Variants in CNKSR3 observed in about 807,000 individuals in gnomAD.
CNKSR3 encodes the protein connector enhancer of kinase suppressor of ras 3.
In CNKSR3, 36 loss-of-function variants were observed where a neutral mutation model predicts 67.7. That is an observed-to-expected ratio of 0.53 (90% confidence interval 0.41 to 0.70). CNKSR3 has a LOEUF of 0.70. CNKSR3 is among the 30% of genes least tolerant of loss of function. The pLI, the probability that CNKSR3 is intolerant of heterozygous loss-of-function variation, is 0.00. For synonymous variants in CNKSR3, 281 were observed against 271.4 expected, an observed-to-expected ratio of 1.04 and a Z score of -0.35; for missense variants, 630 against 695.2, an observed-to-expected ratio of 0.91 and a Z score of 1.05.
At chr6:154,454,100 C>CAGAG (rs1562340117) in intron 1 of CNKSR3, among the ~76,000 whole-genome samples, 1 of 97,308 alleles carries the variant, frequency 1.0e-5, no homozygotes, top group African/African-American at 4.0e-5. Context: ...CACACACACA[C>CAGAG]ACACAGAGAG....
intron 1 of CNKSR3, among the ~76,000 whole-genome samples, chr6:154,504,595 G>A (rs1387762913): frequency 6.6e-6 from 1 of 152,228 alleles, no homozygotes; most frequent in Non-Finnish European, 1.5e-5. Flanking sequence ...GAGTACAGGA[G>A]AGCCCCAAGG....
chr6:154,476,414 G>A (rs919124150), intron 1 of CNKSR3, among the ~76,000 whole-genome samples: 3 of 147,566 alleles, frequency 2.0e-5, no homozygotes, highest in African/African-American at 7.6e-5. Flanking sequence ...CCGAGATCGT[G>A]CCATTGCACT....
intron 7 of CNKSR3, among the ~76,000 whole-genome samples, chr6:154,426,083 T>C (rs1356562907): frequency 2.0e-5 from 3 of 152,196 alleles, no homozygotes; most frequent in East Asian, 1.9e-4. Context: ...TAAATGCGAA[T>C]TGAATGACTA....
intron 12 of CNKSR3, among the ~76,000 whole-genome samples, chr6:154,409,066 G>A (rs752513936): frequency 2.0e-5 from 3 of 152,130 alleles, no homozygotes; most frequent in Non-Finnish European, 2.9e-5. Flanking sequence ...ATACTCACAC[G>A]TTAACTAAGG....
intron 7 of CNKSR3, among the ~76,000 whole-genome samples, chr6:154,426,089 G>A (rs1387893616): frequency 6.6e-6 from 1 of 152,202 alleles, no homozygotes; most frequent in African/African-American, 2.4e-5. Context: ...CGAATTGAAT[G>A]ACTAAAGGAA....
intron 1 of CNKSR3, among the ~76,000 whole-genome samples, chr6:154,482,811 G>A (rs1404159166): frequency 1.3e-5 from 2 of 152,156 alleles, no homozygotes; most frequent in African/African-American, 2.4e-5. Context: ...AAATAAAAAT[G>A]AAATCTACAG....
At chr6:154,458,260 C>T (rs893435563) in intron 1 of CNKSR3, among the ~76,000 whole-genome samples, 4 of 152,164 alleles carry the variant, frequency 2.6e-5, no homozygotes, top group African/African-American at 9.7e-5. Flanking sequence ...CTCCACCAGT[C>T]TAGTCTGGAA....
At chr6:154,490,603 T>C (rs1209486593) in intron 1 of CNKSR3, among the ~76,000 whole-genome samples, 1 of 152,176 alleles carries the variant, frequency 6.6e-6, no homozygotes, top group Non-Finnish European at 1.5e-5. Flanking sequence ...CTTCATTCTT[T>C]CCTTGGATCC....
Position 154,401,744 on chromosome 6 carries a change from T to C in CNKSR3, c.*4610A>G, listed in dbSNP as rs1014848904. 1.3e-5 allele frequency: 2 copies of C among 152,196 alleles called. No homozygotes were observed. The highest frequency in any genetic ancestry group is 4.8e-5 in the African/African-American group (2 of 41,446). 9.4% of individuals were successfully genotyped at this position (152,196 alleles called of 1,614,324 possible). A position where few individuals can be genotyped will look rare whatever the true frequency, so the allele number is the denominator to read the frequency against. On this transcript the variant is annotated 3_prime_UTR_variant, in exon 13 of 13. Coordinates refer to ENST00000607772, the MANE Select transcript of CNKSR3 (RefSeq NM_173515.4). ...AATGTGAACTAATGGTCTACAAAAC[T>C]AATCTCATCTACAATAGAAGAAAAC... is the stretch of plus-strand genomic sequence containing the variant.
chr6:154,459,324 C>G (rs1183126523), intron 1 of CNKSR3, among the ~76,000 whole-genome samples: 1 of 152,086 alleles, frequency 6.6e-6, no homozygotes, highest in Non-Finnish European at 1.5e-5. Flanking sequence ...ATCCAACCAC[C>G]AAGAACCCTG....
intron 1 of CNKSR3, among the ~76,000 whole-genome samples, chr6:154,487,002 AG>A: frequency 6.7e-6 from 1 of 150,366 alleles, no homozygotes; most frequent in Non-Finnish European, 1.5e-5. Context: ...GCAGGTGGTG[AG>A]GGGGTTCAAG....
intron 4 of CNKSR3, among the ~76,000 whole-genome samples, chr6:154,437,172 C>T (rs1785488776): frequency 6.6e-6 from 1 of 152,050 alleles, no homozygotes; most frequent in Non-Finnish European, 1.5e-5. Flanking sequence ...TCCTCCAATT[C>T]CCCAGTTAAA....
rs889855991 is a variant in CNKSR3 at position 154,391,083 on chromosome 6, G to A, written c.*15271C>T. 2.0e-5 allele frequency: 3 copies of A among 152,170 alleles called. No homozygotes were observed. Among genetic ancestry groups the A allele is most frequent in the African/African-American group, 7.2e-5 (3 of 41,420 alleles). 9.4% of individuals were successfully genotyped at this position (152,170 alleles called of 1,614,324 possible). On this transcript the variant is annotated 3_prime_UTR_variant, in exon 13 of 13. Coordinates refer to ENST00000607772, the MANE Select transcript of CNKSR3 (RefSeq NM_173515.4). ...CCCAAACTGCTAGGATTACAAGCGGGAGCCATCGCGCCCGGCCTGACGCCT... is the reference window on the plus strand; with the variant it reads ...CCCAAACTGCTAGGATTACAAGCGGAAGCCATCGCGCCCGGCCTGACGCCT...
chr6:154,425,962 T>A (rs1184992914), intron 7 of CNKSR3, among the ~76,000 whole-genome samples: 1 of 152,212 alleles, frequency 6.6e-6, no homozygotes, highest in African/African-American at 2.4e-5. Context: ...ACATTAAGAA[T>A]AAAATATCCA....
At position 154,394,044 on chromosome 6, in the gene CNKSR3, G is replaced by A. The variant is rs944734795; in HGVS notation, c.*12310C>T. On this transcript the variant is annotated 3_prime_UTR_variant, in exon 13 of 13. Transcript: ENST00000607772. ...CATTTCTTTTCTTTTGTGAGATGAG[G>A]GTTTTGCTTTGTCATCCAGACTGGA... 1.3e-5 allele frequency: 2 copies of A among 152,086 alleles called. No individual in the cohort carries two copies. The highest frequency in any genetic ancestry group is 6.6e-5 in the Admixed American group (1 of 15,256). 9.4% of individuals were successfully genotyped at this position (152,086 alleles called of 1,614,324 possible).
chr6:154,442,044 C>G (rs1385753843), intron 3 of CNKSR3, 44 bp downstream of exon 3: 6 of 1,518,106 alleles, frequency 4.0e-6, no homozygotes, highest in Non-Finnish European at 5.4e-6. Context: ...AGCTTGGACT[C>G]TATCTACTCT....
chr6:154,458,056 C>G (rs1343691983), intron 1 of CNKSR3, among the ~76,000 whole-genome samples: 3 of 152,230 alleles, frequency 2.0e-5, no homozygotes, highest in African/African-American at 7.2e-5. Context: ...ACGGCCATGA[C>G]TCCTTGGTTT....
chr6:154,490,161 A>G lies in CNKSR3; in HGVS notation c.52+19902T>C, dbSNP rs541968891. ...GTCAGCTCAGTTTTACATTTCACAG[A>G]TCAAAGGAAATAAATACCCAGTAAG... On this transcript the variant is annotated intron_variant, in intron 1 of 12. Coordinates refer to ENST00000607772, the MANE Select transcript of CNKSR3 (RefSeq NM_173515.4). Among the ~76,000 whole-genome samples the G allele has an allele frequency of 3.9e-5, 6 of 152,312 alleles. No homozygotes were observed. In the East Asian group the frequency reaches 1.2e-3, roughly 29 times the overall value.
At chr6:154,417,106 C>T (rs927493111) in intron 9 of CNKSR3, among the ~76,000 whole-genome samples, 6 of 152,142 alleles carry the variant, frequency 3.9e-5, no homozygotes, top group African/African-American at 1.2e-4. Context: ...GCTCAAAATA[C>T]CTAACATCTC....
Sources: allele counts gnomAD v4.1 joint callset (sites outside exome capture counted in the v4.1 genomes callset), GRCh38; gene constraint gnomAD v4.1.1; transcripts MANE v1.5; gene names NCBI Gene and HGNC (gene_info 2026-07-23, HGNC 2026-07-21).